Variants in ZFAND3 observed in about 807,000 individuals in gnomAD.
ZFAND3 encodes AN1-type zinc finger protein 3.
Under a neutral mutation model 29.6 loss-of-function variants are expected in ZFAND3, and 10 were observed. The ratio of observed to expected loss-of-function variants is 0.34; its 90% CI spans 0.21 to 0.57. The LOEUF is 0.57. Among genes scored for constraint, ZFAND3 ranks in the 20% least tolerant of loss-of-function variants. ZFAND3 has a pLI of 0.86. For synonymous variants in ZFAND3, 128 were observed against 112.6 expected, an observed-to-expected ratio of 1.14 and a Z score of -0.87; for missense variants, 230 against 304.5, an observed-to-expected ratio of 0.76 and a Z score of 1.82.
rs1764744667 is a variant in ZFAND3 at position 38,085,735 on chromosome 6, C to G, written c.361+3278C>G. 2.0e-5 allele frequency among the ~76,000 whole-genome samples: 3 copies of G among 152,116 alleles called. No homozygotes were observed. The South Asian group carries it at 6.2e-4, about 31-fold the overall frequency. On this transcript the variant is annotated intron_variant, in intron 4 of 5. Coordinates refer to ENST00000287218, the MANE Select transcript of ZFAND3 (RefSeq NM_021943.3). ...GATTACAGGCATGAGCAACCGTGCT[C>G]AGCCCATACATGCAGTTTATAAACA...
chr6:37,930,137 C>A, intron 2 of ZFAND3, 138 bp downstream of exon 2: 2 of 835,826 alleles, frequency 2.4e-6, no homozygotes, highest in South Asian at 2.3e-5. Flanking sequence ...TGTGAGAAAG[C>A]AGTTTCACCT....
chr6:38,030,400 T>A (rs76615764), intron 2 of ZFAND3, among the ~76,000 whole-genome samples: 10,145 of 152,106 alleles, frequency 0.067, 407 homozygotes, highest in Non-Finnish European at 0.087. Context: ...GGGTATTTTC[T>A]ATAGCTGTAT....
intron 1 of ZFAND3, among the ~76,000 whole-genome samples, chr6:37,927,826 G>A (rs1016187678): frequency 6.6e-6 from 1 of 152,200 alleles, no homozygotes; most frequent in Non-Finnish European, 1.5e-5. Flanking sequence ...CTATATTGGG[G>A]CAGAGGCCGA....
At chr6:37,974,745 T>C (rs576289409) in intron 2 of ZFAND3, among the ~76,000 whole-genome samples, 106 of 152,338 alleles carry the variant, frequency 7.0e-4, no homozygotes, top group African/African-American at 2.4e-3. Context: ...TATTTTGAGA[T>C]TCATCTATGT....
At chr6:38,104,521 A>G (rs1765170642) in intron 4 of ZFAND3, among the ~76,000 whole-genome samples, 2 of 152,334 alleles carry the variant, frequency 1.3e-5, no homozygotes, top group South Asian at 2.1e-4. Context: ...ACATGCAAGT[A>G]TCTAAATCCA....
At chr6:37,825,147 A>G (rs1315217750) in intron 1 of ZFAND3, among the ~76,000 whole-genome samples, 1 of 152,020 alleles carries the variant, frequency 6.6e-6, no homozygotes, top group Non-Finnish European at 1.5e-5. Context: ...TGGACTTCAC[A>G]CTCATTTTGC....
intron 2 of ZFAND3, among the ~76,000 whole-genome samples, chr6:38,057,638 TAGCC>T (rs1205257961): frequency 6.6e-6 from 1 of 152,144 alleles, no homozygotes; most frequent in African/African-American, 2.4e-5. Context: ...GCCCAGTAAA[TAGCC>T]AGGTCAGGAT....
chr6:38,141,094 A>G (rs1054577720), intron 5 of ZFAND3, among the ~76,000 whole-genome samples: 4 of 150,322 alleles, frequency 2.7e-5, no homozygotes, highest in South Asian at 2.1e-4. Context: ...TTGTACTTCT[A>G]AGCTCCTCGG....
intron 5 of ZFAND3, among the ~76,000 whole-genome samples, chr6:38,144,171 G>GATATATATATATAATATATATAT (rs1373740190): frequency 1.1e-5 from 1 of 87,340 alleles, no homozygotes; most frequent in Non-Finnish European, 2.1e-5. Context: ...AGAAAAATGT[G>GATATATATATATAATATATATAT]ATATATATAT....
chr6:38,136,283 G>T (rs1331652113), intron 5 of ZFAND3, among the ~76,000 whole-genome samples: 1 of 152,242 alleles, frequency 6.6e-6, no homozygotes, highest in African/African-American at 2.4e-5. Context: ...GTCCAAGGAA[G>T]ATTACAGGGA....
intron 1 of ZFAND3, among the ~76,000 whole-genome samples, chr6:37,905,184 G>T (rs1041004781): frequency 7.8e-4 from 118 of 152,218 alleles, no homozygotes; most frequent in Non-Finnish European, 1.5e-3. Flanking sequence ...GGACTGGCTT[G>T]TATGTCCTGT....
At chr6:37,967,420 G>T (rs576435201) in intron 2 of ZFAND3, among the ~76,000 whole-genome samples, 2 of 152,256 alleles carry the variant, frequency 1.3e-5, no homozygotes, top group African/African-American at 4.8e-5. Flanking sequence ...CTGCATCCCA[G>T]CCCTAGATAA....
At position 38,144,202 on chromosome 6, in the gene ZFAND3, TATATATATAATATATAA is replaced by T. The variant is rs1562015941; in HGVS notation, c.530-8032_530-8016del. ...TATATATAATATATATATATATATA[TATATATATAATATATAA>T]TATATATATATATTTTTTTTTTAAT... On this transcript the variant is annotated intron_variant, in intron 5 of 5. Transcript: ENST00000287218. Among the ~76,000 whole-genome samples the T allele has an allele frequency of 9.7e-5, 4 of 41,190 alleles. No homozygotes were observed. The East Asian group carries it at 1.3e-3, about 13-fold the overall frequency. 27.0% of individuals were successfully genotyped at this position (41,190 alleles called of 152,430 possible).
chr6:38,001,597 A>G (rs1425519816), intron 2 of ZFAND3, among the ~76,000 whole-genome samples: 1 of 152,226 alleles, frequency 6.6e-6, no homozygotes, highest in African/African-American at 2.4e-5. Flanking sequence ...TTTTTACTTC[A>G]TAAAATCACA....
Position 38,041,631 on chromosome 6 carries a change from T to TTTCTTCTTCTTCTTC in ZFAND3, c.113-19921_113-19907dup, listed in dbSNP as rs1193585476. On this transcript the variant is annotated intron_variant, in intron 2 of 5. Transcript: ENST00000287218. ...GTCACCACTGTTTTTTTATCTACTT[T>TTTCTTCTTCTTCTTC]TTCTTCTTCTTCTTCTTCTTCTTCT... Among the ~76,000 whole-genome samples, 28 of 56,248 alleles carry TTTCTTCTTCTTCTTC rather than the reference T, an allele frequency of 5.0e-4. 1 individual carries two copies. The highest frequency in any genetic ancestry group is 8.8e-4 in the Non-Finnish European group (19 of 21,592). The allele number at this position is 56,248 out of a possible 152,430, so 36.9% of individuals were successfully genotyped here.
intron 1 of ZFAND3, among the ~76,000 whole-genome samples, chr6:37,911,017 A>C (rs974576908): frequency 6.7e-6 from 1 of 149,610 alleles, no homozygotes; most frequent in Non-Finnish European, 1.5e-5. Context: ...GAGTGTAGAT[A>C]TCTCTTCAGC....
intron 1 of ZFAND3, among the ~76,000 whole-genome samples, chr6:37,860,090 C>T (rs1394503137): frequency 2.0e-5 from 3 of 146,558 alleles, no homozygotes; most frequent in African/African-American, 2.5e-5. Context: ...CACCAGGTCT[C>T]GAACTCCTGA....
rs893321001 is a variant in ZFAND3, at chr6:38,153,987, G to A, written c.*1598G>A. On this transcript the variant is annotated 3_prime_UTR_variant, in exon 6 of 6. Transcript: ENST00000287218. ...AACTGCAAATGTTTTTTGATCCGAC[G>A]TACTGAAATAGGAAGTCATGCTCTT... 41 of 985,314 alleles carry A rather than the reference G, an allele frequency of 4.2e-5. No homozygotes were observed. In the East Asian group the frequency reaches 4.5e-4, roughly 11 times the overall value. 61.0% of individuals were successfully genotyped at this position (985,314 alleles called of 1,614,324 possible).
At chr6:38,070,065 A>G (rs1277985106) in intron 3 of ZFAND3, among the ~76,000 whole-genome samples, 2 of 152,222 alleles carry the variant, frequency 1.3e-5, no homozygotes, top group Non-Finnish European at 2.9e-5. Flanking sequence ...TTTTTACAGA[A>G]ATAACCGCTG....
Sources: allele counts gnomAD v4.1 joint callset (sites outside exome capture counted in the v4.1 genomes callset), GRCh38; gene constraint gnomAD v4.1.1; transcripts MANE v1.5; gene names NCBI Gene and HGNC (gene_info 2026-07-23, HGNC 2026-07-21).